Variants in HMGA1 observed in about 807,000 individuals in gnomAD.
HMGA1 encodes high mobility group AT-hook 1, also known as high mobility group protein HMG-I/HMG-Y.
A neutral mutation model predicts 15.1 loss-of-function variants in HMGA1; 1 was observed. The observed-to-expected ratio is 0.07, with a 90% CI of 0.02 to 0.31. HMGA1 has a LOEUF of 0.31. HMGA1 is among the 10% of genes least tolerant of loss of function. The pLI is 1.00. For missense variants in HMGA1, 94 were observed against 141.4 expected, an observed-to-expected ratio of 0.66 and a Z score of 1.70; for synonymous variants, 56 against 54.8, an observed-to-expected ratio of 1.02 and a Z score of -0.10.
intron 2 of HMGA1, among the ~76,000 whole-genome samples, chr6:34,239,328 C>T (rs886276145): frequency 1.3e-5 from 2 of 151,198 alleles, no homozygotes; most frequent in African/African-American, 2.4e-5. Context: ...AGGCTGGTCT[C>T]GAACTCCTGA....
intron 3 of HMGA1, among the ~76,000 whole-genome samples, chr6:34,241,390 A>G (rs990690109): frequency 1.3e-5 from 2 of 152,228 alleles, no homozygotes; most frequent in African/African-American, 4.8e-5. Flanking sequence ...CGATTCTTGT[A>G]CTTCCTCATC....
chr6:34,245,508 G>T lies in HMGA1; in HGVS notation c.*624G>T, dbSNP rs564825523. On this transcript the variant is annotated 3_prime_UTR_variant, in exon 6 of 6. Transcript: ENST00000311487. ...CCTAGTCCCCGTACTAGGTTGGACA[G>T]CCCCCTTCGGTTACAGGAAGGCAGG... 2.0e-5 allele frequency: 27 copies of T among 1,382,168 alleles called. No homozygotes were observed. The Middle Eastern group carries it at 5.8e-4, about 30-fold the overall frequency. The allele number at this position is 1,382,168 out of a possible 1,614,324, so 85.6% of individuals were successfully genotyped here.
At chr6:34,238,535 C>T (rs575711706) in intron 2 of HMGA1, among the ~76,000 whole-genome samples, 5 of 152,318 alleles carry the variant, frequency 3.3e-5, no homozygotes, top group Admixed American at 1.3e-4. Context: ...AAGATAATTT[C>T]CTAGGGCCTT....
At position 34,245,253 on chromosome 6, in the gene HMGA1, G is replaced by T. The variant is rs758753247; in HGVS notation, c.*369G>T. On this transcript the variant is annotated 3_prime_UTR_variant, in exon 6 of 6. Coordinates refer to ENST00000311487, the MANE Select transcript of HMGA1 (RefSeq NM_145899.3). ...TGCTCTCTGGGCTTTTGGTTTGGGG[G>T]CGCCCTCTCTGCTCCTTCACTGTTC... 2 of 1,379,022 alleles carry T rather than the reference G, an allele frequency of 1.5e-6. No individual in the cohort carries two copies. The highest frequency in any genetic ancestry group is 2.4e-5 in the South Asian group (2 of 81,746). The allele number at this position is 1,379,022 out of a possible 1,614,324, so 85.4% of individuals were successfully genotyped here.
chr6:34,242,961 G>T (rs1249614680), intron 4 of HMGA1, among the ~76,000 whole-genome samples, 166 bp downstream of exon 4: 3 of 152,166 alleles, frequency 2.0e-5, no homozygotes, highest in Non-Finnish European at 4.4e-5. Flanking sequence ...TAACTGGGGA[G>T]AGTGGGGCGA....
chr6:34,239,622 A>G (rs1581794918), intron 2 of HMGA1, among the ~76,000 whole-genome samples: 1 of 152,208 alleles, frequency 6.6e-6, no homozygotes. Context: ...GCAGGCAGGG[A>G]TTGGTTACTG....
At position 34,240,845 on chromosome 6, in the gene HMGA1, A is replaced by G; in HGVS notation, c.65A>G (p.Glu22Gly). ...TCCAAGCAGGAAAAGGACGGCACTG[A>G]GAAGCGGGGCCGGGGCAGGCCGCGC... ...LASKQEKDGTEKRGRGRPRKQ... is the reference protein window; with the variant it reads ...LASKQEKDGTGKRGRGRPRKQ... The change falls in exon 3 of 6, where the codon GAG (glutamate) becomes GGG (glycine). Residue 22 changes from glutamate (E) to glycine (G), a missense_variant. By Grantham distance (98) the Glu-to-Gly change is moderately conservative. Coordinates refer to ENST00000311487, the MANE Select transcript of HMGA1 (RefSeq NM_145899.3). The G allele has an allele frequency of 6.2e-7, 1 of 1,613,440 alleles. No homozygotes were observed. Among genetic ancestry groups the G allele is most frequent in the Non-Finnish European group, 8.5e-7 (1 of 1,179,858 alleles).
chr6:34,243,393 C>T (rs1268536401), intron 4 of HMGA1, 75 bp from the exon 5 acceptor site: 12 of 1,155,900 alleles, frequency 1.0e-5, no homozygotes, highest in South Asian at 5.1e-5. Flanking sequence ...TAGGTCTGCC[C>T]CCCATCACTA....
Position 34,237,839 on chromosome 6 carries a change from G to A in HMGA1, c.-45+522G>A, listed in dbSNP as rs1045184274. Reference sequence around the variant, plus strand: ...GAGGAACCCCCAAATTCGGCCCTACGCCCTCTCGGCCTTTCTCTCGCGCCC... The same window carrying A: ...GAGGAACCCCCAAATTCGGCCCTACACCCTCTCGGCCTTTCTCTCGCGCCC... On this transcript the variant is annotated intron_variant, in intron 2 of 5. Transcript: ENST00000311487. Among the ~76,000 whole-genome samples the A allele has an allele frequency of 3.9e-5, 6 of 151,970 alleles. No individual in the cohort carries two copies. In the East Asian group the frequency reaches 1.2e-3, roughly 30 times the overall value.
intron 2 of HMGA1, among the ~76,000 whole-genome samples, 151 bp downstream of exon 2, chr6:34,237,468 G>C (rs1202370682): frequency 7.0e-6 from 1 of 143,512 alleles, no homozygotes; most frequent in Non-Finnish European, 1.5e-5. Context: ...GGCGGCGGGG[G>C]AGGGCCGCGC....
In HMGA1 at chr6:34,244,925, C is replaced by T. The variant is rs1179211858; in HGVS notation, c.*41C>T. 2 of 1,549,924 alleles carry T rather than the reference C, an allele frequency of 1.3e-6. No homozygotes were observed. Among genetic ancestry groups the T allele is most frequent in the Non-Finnish European group, 1.7e-6 (2 of 1,146,706 alleles). ...TGCTCCTCACTGGAGGAGCAGCTTC[C>T]TTCTGGGACTGGACAGCTTTGCTCC... is the stretch of plus-strand genomic sequence containing the variant. On this transcript the variant is annotated 3_prime_UTR_variant, in exon 6 of 6. Transcript: ENST00000311487.
intron 3 of HMGA1, among the ~76,000 whole-genome samples, chr6:34,241,808 C>T (rs1205242339): frequency 6.6e-6 from 1 of 152,196 alleles, no homozygotes; most frequent in Non-Finnish European, 1.5e-5. Flanking sequence ...TGTTCACCTG[C>T]AGGTTTTCCC....
chr6:34,244,416 A>G (rs375631224), intron 5 of HMGA1, among the ~76,000 whole-genome samples: 82 of 151,842 alleles, frequency 5.4e-4, no homozygotes, highest in East Asian at 4.3e-3. Context: ...TGGGCCAAGG[A>G]CCTGGTTCCC....
At chr6:34,238,421 CCTA>C (rs1405305122) in intron 2 of HMGA1, among the ~76,000 whole-genome samples, 2 of 152,300 alleles carry the variant, frequency 1.3e-5, no homozygotes, top group African/African-American at 4.8e-5. Flanking sequence ...TCTCCGGGAA[CCTA>C]CTTCTTCCTG....
chr6:34,240,976 GTTTCATTC>G (rs912516613), intron 3 of HMGA1, 61 bp downstream of exon 3: 4 of 1,594,180 alleles, frequency 2.5e-6, no homozygotes, highest in Middle Eastern at 1.7e-4. Flanking sequence ...GGTGCCTGGA[GTTTCATTC>G]AGCAGGCGAG....
chr6:34,241,023 T>C, intron 3 of HMGA1, 108 bp downstream of exon 3: 1 of 1,314,976 alleles, frequency 7.6e-7, no homozygotes, highest in Non-Finnish European at 1.1e-6. Context: ...AGAATGATTC[T>C]GCGCAGTAAG....
At chr6:34,241,993 G>C (rs1762349119) in intron 3 of HMGA1, among the ~76,000 whole-genome samples, 1 of 152,168 alleles carries the variant, frequency 6.6e-6, no homozygotes, top group South Asian at 2.1e-4. Context: ...GGAGGTGTCA[G>C]GAGGGGTGCA....
chr6:34,245,031 TCAC>T lies in HMGA1; in HGVS notation c.*154_*156del. 6.7e-7 allele frequency: 1 copy of T among 1,500,286 alleles called. No homozygotes were observed. Among genetic ancestry groups the T allele is most frequent in the Non-Finnish European group, 8.9e-7 (1 of 1,125,310 alleles). 92.9% of individuals were successfully genotyped at this position (1,500,286 alleles called of 1,614,324 possible). On this transcript the variant is annotated 3_prime_UTR_variant, in exon 6 of 6. Transcript: ENST00000311487. ...CCACCCCCATCTTCCACCTGTGCCCTCACCACCACACTACACAGCACACCAGCC... is the reference window on the plus strand; with the variant it reads ...CCACCCCCATCTTCCACCTGTGCCCTCACCACACTACACAGCACACCAGCC...
chr6:34,240,485 C>T (rs1191069732), intron 2 of HMGA1, among the ~76,000 whole-genome samples: 1 of 152,020 alleles, frequency 6.6e-6, no homozygotes, highest in Admixed American at 6.5e-5. Flanking sequence ...TGCACTGGGG[C>T]GGTGTTAAGG....
Sources: gnomAD v4.1 joint callset for allele counts (sites outside exome capture counted in the v4.1 genomes callset) on GRCh38, gnomAD v4.1.1 for gene constraint, MANE v1.5 for transcripts, NCBI Gene and HGNC (gene_info 2026-07-23, HGNC 2026-07-21) for gene names.